UGT2B4: variants seen among roughly 807,000 people sequenced by gnomAD.
UGT2B4 encodes UDP glucuronosyltransferase family 2 member B4.
In UGT2B4, 49 loss-of-function variants were observed where a neutral mutation model predicts 49.8. The observed-to-expected ratio is 0.98, with a 90% CI of 0.78 to 1.25. The LOEUF (loss-of-function observed/expected upper bound fraction) is 1.25. Ranked by LOEUF, UGT2B4 falls within the 50% of genes most tolerant of loss-of-function variation. The pLI is 0.00. For synonymous variants in UGT2B4, 246 were observed against 217.7 expected, an observed-to-expected ratio of 1.13 and a Z score of -1.14; for missense variants, 729 against 627.7, an observed-to-expected ratio of 1.16 and a Z score of -1.73.
chr4:69,506,353 G>C (rs1170302091), intron 1 of UGT2B4, among the ~76,000 whole-genome samples: 2 of 151,958 alleles, frequency 1.3e-5, no homozygotes, highest in East Asian at 3.9e-4. Context: ...AGAAAAAAGA[G>C]AGAAGATTCA....
chr4:69,499,492 A>G (rs1230397477), upstream of UGT2B4, among the ~76,000 whole-genome samples: 1 of 152,116 alleles, frequency 6.6e-6, no homozygotes, highest in Non-Finnish European at 1.5e-5. Context: ...ATTGTGTGGG[A>G]GTCTAAGTCT....
intron 1 of UGT2B4, among the ~76,000 whole-genome samples, chr4:69,511,829 C>G (rs1252509357): frequency 1.3e-5 from 2 of 152,016 alleles, no homozygotes; most frequent in African/African-American, 4.8e-5. Context: ...CTAATTCAAT[C>G]TCCTTATTCA....
intron 2 of UGT2B4, among the ~76,000 whole-genome samples, chr4:69,492,454 T>C (rs992210043): frequency 6.6e-6 from 1 of 152,132 alleles, no homozygotes; most frequent in Non-Finnish European, 1.5e-5. Flanking sequence ...TCACTTGTGG[T>C]AGAATTTTAC....
intron 1 of UGT2B4, among the ~76,000 whole-genome samples, chr4:69,510,780 C>T (rs1312730688): frequency 6.6e-6 from 1 of 151,780 alleles, no homozygotes; most frequent in Non-Finnish European, 1.5e-5. Flanking sequence ...GGTGATTTTC[C>T]TTTCTGTGTT....
intron 4 of UGT2B4, among the ~76,000 whole-genome samples, chr4:69,485,746 T>C (rs940687144): frequency 2.0e-5 from 3 of 152,120 alleles, no homozygotes; most frequent in African/African-American, 4.8e-5. Flanking sequence ...GAATGTGTTC[T>C]TGTTTTTTTG....
chr4:69,500,666 A>AAAGGAAGG (rs1299087968), upstream of UGT2B4, among the ~76,000 whole-genome samples: 51 of 113,784 alleles, frequency 4.5e-4, no homozygotes, highest in South Asian at 8.5e-4. Context: ...AGAAAGAAAG[A>AAAGGAAGG]AAGGAAGGAA....
chr4:69,492,314 G>A (rs1377976223), intron 2 of UGT2B4, among the ~76,000 whole-genome samples: 2 of 152,024 alleles, frequency 1.3e-5, no homozygotes, highest in African/African-American at 2.4e-5. Context: ...GGATCTCAAC[G>A]CAGAATGATT....
upstream of UGT2B4, among the ~76,000 whole-genome samples, chr4:69,499,637 G>T (rs1246392727): frequency 6.6e-6 from 1 of 151,782 alleles, no homozygotes; most frequent in Non-Finnish European, 1.5e-5. Context: ...TATCTTTCTT[G>T]ATCTTTTTGG....
In UGT2B4 at chr4:69,493,649, G is replaced by T. The variant is rs201969618; in HGVS notation, c.870+44C>A. ...ACTTTGAATGAATATAGAACCATTC[G>T]TACTGAAACTTCAAAGCAGACAAAA... On this transcript the variant is annotated intron_variant, in intron 2 of 5. Transcript: ENST00000305107. The T allele has an allele frequency of 3.2e-6, 5 of 1,574,864 alleles. No homozygotes were observed. The Admixed American group carries it at 7.8e-5, about 25-fold the overall frequency.
chr4:69,506,474 T>C (rs1216384310), intron 1 of UGT2B4, among the ~76,000 whole-genome samples: 5 of 151,986 alleles, frequency 3.3e-5, no homozygotes, highest in African/African-American at 1.2e-4. Flanking sequence ...CTACAAAATG[T>C]AGAATAAATG....
At chr4:69,482,146 C>G (rs1264782448) in intron 5 of UGT2B4, among the ~76,000 whole-genome samples, 4 of 152,148 alleles carry the variant, frequency 2.6e-5, no homozygotes, top group Non-Finnish European at 5.9e-5. Context: ...TTGGAGTATT[C>G]TTTCTTGCAA....
intron 1 of UGT2B4, among the ~76,000 whole-genome samples, chr4:69,506,953 A>G (rs1015786440): frequency 6.6e-6 from 1 of 152,214 alleles, no homozygotes; most frequent in East Asian, 1.9e-4. Context: ...TCTTCATATA[A>G]ACAGAACTAA....
chr4:69,516,605 A>G (rs180840148), intron 1 of UGT2B4, among the ~76,000 whole-genome samples: 91 of 151,816 alleles, frequency 6.0e-4, no homozygotes, highest in African/African-American at 1.8e-3. Context: ...TTTCATTGTT[A>G]TTTATGTATT....
At chr4:69,485,587 A>G (rs955717149) in intron 4 of UGT2B4, among the ~76,000 whole-genome samples, 160 bp from the exon 5 acceptor site, 1 of 152,142 alleles carries the variant, frequency 6.6e-6, no homozygotes, top group Non-Finnish European at 1.5e-5. Flanking sequence ...TCTGCTGGAG[A>G]TGTAAGTGAA....
rs1728117400 is a variant in UGT2B4, at chr4:69,495,283, A to T, written c.579T>A (p.Tyr193Ter). Residue 193 changes from tyrosine to a stop codon, truncating the protein, a stop_gained, in exon 1 of 6, where the codon TAT (tyrosine) becomes TAA (stop). Transcript: ENST00000305107. LOFTEE classifies it high-confidence loss of function. ...TTAGTTCTGACATAACAACAGGCACATAGGAAGGAGGGAACAGAAGTCCTC... is the reference window on the plus strand; with the variant it reads ...TTAGTTCTGACATAACAACAGGCACTTAGGAAGGAGGGAACAGAAGTCCTC... Reference protein sequence around the residue: ...HSGGLLFPPSYVPVVMSELSD... With the variant: ...HSGGLLFPPS 1 of 1,613,372 alleles carries T rather than the reference A, an allele frequency of 6.2e-7. No homozygotes were observed. Among genetic ancestry groups the T allele is most frequent in the South Asian group, 1.1e-5 (1 of 90,932 alleles).
At chr4:69,484,703 G>T (rs1207107132) in intron 5 of UGT2B4, among the ~76,000 whole-genome samples, 1 of 151,988 alleles carries the variant, frequency 6.6e-6, no homozygotes, top group Non-Finnish European at 1.5e-5. Context: ...TTATATGATG[G>T]TGATGGCTTC....
chr4:69,486,128 G>A (rs2109805300), intron 4 of UGT2B4, among the ~76,000 whole-genome samples: 1 of 152,232 alleles, frequency 6.6e-6, no homozygotes, highest in South Asian at 2.1e-4. Flanking sequence ...CAGGCAGTGA[G>A]GTGGTGGTGG....
chr4:69,487,269 T>C (rs568209916), intron 3 of UGT2B4, among the ~76,000 whole-genome samples: 1 of 152,286 alleles, frequency 6.6e-6, no homozygotes, highest in East Asian at 1.9e-4. Context: ...CATGCACATG[T>C]ATGTTTACTA....
intron 1 of UGT2B4, among the ~76,000 whole-genome samples, chr4:69,509,739 T>C (rs947088763): frequency 1.3e-5 from 2 of 152,196 alleles, no homozygotes; most frequent in African/African-American, 2.4e-5. Context: ...GTTATATAAA[T>C]ATTTTGGTTT....
Sources: gnomAD v4.1 joint callset for allele counts (sites outside exome capture counted in the v4.1 genomes callset) on GRCh38, gnomAD v4.1.1 for gene constraint, MANE v1.5 for transcripts, NCBI Gene and HGNC (gene_info 2026-07-23, HGNC 2026-07-21) for gene names.